The following NKAIN3 variants were observed in gnomAD, a reference collection of about 807,000 sequenced individuals.
NKAIN3 encodes the protein sodium/potassium-transporting ATPase subunit beta-1-interacting protein 3.
A neutral mutation model predicts 30.2 loss-of-function variants in NKAIN3; 25 were observed. The ratio of observed to expected loss-of-function variants is 0.83; its 90% confidence interval spans 0.60 to 1.16. The LOEUF (loss-of-function observed/expected upper bound fraction) is 1.16, where lower values mean the gene tolerates loss of function less well. Ranked by LOEUF, NKAIN3 falls within the 50% of genes most tolerant of loss-of-function variation. The pLI is 0.00. For synonymous variants in NKAIN3, 91 were observed against 89.6 expected (o/e 1.02, Z -0.09); for missense variants, 225 against 254.1 (o/e 0.89, Z 0.78).
chr8:62,803,051 C>G (rs1488974074), intron 4 of NKAIN3, among the ~76,000 whole-genome samples: 1 of 152,130 alleles, frequency 6.6e-6, no homozygotes, highest in Non-Finnish European at 1.5e-5. Context: ...ATCAATTCAA[C>G]AAGAAGAGCT....
chr8:62,972,299 G>C lies in NKAIN3; in HGVS notation c.*6892G>C, dbSNP rs1234547956. Among the ~76,000 whole-genome samples the C allele has an allele frequency of 6.6e-6, 1 of 152,096 alleles. No individual in the cohort carries two copies. The highest frequency in any genetic ancestry group is 1.9e-4 in the East Asian group (1 of 5,174). On this transcript the variant is annotated 3_prime_UTR_variant, in exon 7 of 7. Transcript: ENST00000623646. ...CATAATATCGGCTGAAGTGGAATGA[G>C]TATTCAAATTGTCCAAAAAAATATA...
rs149329757 is a variant in NKAIN3 at position 62,255,330 on chromosome 8, C to A, written c.54+6203C>A. Among the ~76,000 whole-genome samples, 1,013 of 152,216 alleles carry A rather than the reference C, an allele frequency of 6.7e-3. 8 individuals are homozygous for A. Among genetic ancestry groups the A allele is most frequent in the African/African-American group, 0.023 (961 of 41,528 alleles). On this transcript the variant is annotated intron_variant, in intron 1 of 6. Transcript: ENST00000623646. The stretch of plus-strand genomic sequence containing the variant: ...GAGCTAGAGAGACAGTAGACCTTCC[C>A]TTTTTTCCAAGGTGCCACATGAAGA...
intron 3 of NKAIN3, among the ~76,000 whole-genome samples, chr8:62,681,557 A>G (rs1455327292): frequency 2.0e-5 from 3 of 152,148 alleles, no homozygotes; most frequent in Non-Finnish European, 2.9e-5. Context: ...GTGGCCATTT[A>G]TCTTCTTTTT....
chr8:62,773,459 G>T (rs150827843), intron 4 of NKAIN3, among the ~76,000 whole-genome samples: 2 of 152,058 alleles, frequency 1.3e-5, no homozygotes, highest in South Asian at 2.1e-4. Context: ...GGTTACTGTA[G>T]CTCTGCAGCA....
chr8:62,983,121 C>A lies in NKAIN3; in HGVS notation c.*17714C>A, dbSNP rs1028387885. 1.1e-4 allele frequency: 16 copies of A among 152,190 alleles called. No homozygotes were observed. The highest frequency in any genetic ancestry group is 3.6e-4 in the African/African-American group (15 of 41,422). The allele number at this position is 152,190 out of a possible 1,614,324, so 9.4% of individuals were successfully genotyped here. A position where few individuals can be genotyped will look rare whatever the true frequency, so the allele number is the denominator to read the frequency against. ...ACAGCATTAGATGACCTCCTTCGTG[C>A]CACACTACTTGCCAGTATCCACTGG... is the stretch of plus-strand genomic sequence containing the variant. On this transcript the variant is annotated 3_prime_UTR_variant, in exon 7 of 7. Transcript: ENST00000623646.
At chr8:62,285,510 T>C (rs73683082) in intron 1 of NKAIN3, among the ~76,000 whole-genome samples, 9,463 of 152,152 alleles carry the variant, frequency 0.062, 982 homozygotes, top group African/African-American at 0.21. Context: ...AGAGAGTCGC[T>C]GAACCCTGCC....
intron 1 of NKAIN3, among the ~76,000 whole-genome samples, chr8:62,546,865 G>A (rs1809031359): frequency 6.6e-6 from 1 of 152,188 alleles, no homozygotes; most frequent in African/African-American, 2.4e-5. Context: ...CAAGAAAGCA[G>A]CACAGCTTTA....
intron 1 of NKAIN3, among the ~76,000 whole-genome samples, chr8:62,328,162 A>G (rs1815207057): frequency 6.6e-6 from 1 of 152,122 alleles, no homozygotes; most frequent in Admixed American, 6.6e-5. Context: ...CAGTTAAATG[A>G]CATTTAATGT....
At chr8:62,905,025 C>T (rs1821735935) in intron 4 of NKAIN3, among the ~76,000 whole-genome samples, 2 of 151,984 alleles carry the variant, frequency 1.3e-5, no homozygotes, top group South Asian at 2.1e-4. Context: ...TAGAAGATAA[C>T]GAATGGACAC....
intron 4 of NKAIN3, among the ~76,000 whole-genome samples, chr8:62,836,796 T>C (rs1819380106): frequency 6.6e-6 from 1 of 152,060 alleles, no homozygotes; most frequent in Non-Finnish European, 1.5e-5. Context: ...AGAACAAGTG[T>C]CCAGAGATGA....
Position 62,689,247 on chromosome 8 carries a change from A to T in NKAIN3, c.274-57685A>T, listed in dbSNP as rs535738582. ...AAGTGCTTGGGTATCATCCTTTATA[A>T]GGAGACATCTGCACTAAGTACCTAT... On this transcript the variant is annotated intron_variant, in intron 3 of 6. Coordinates refer to ENST00000623646, the MANE Select transcript of NKAIN3 (RefSeq NM_001304533.3). Among the ~76,000 whole-genome samples, 4 of 152,222 alleles carry T rather than the reference A, an allele frequency of 2.6e-5. No homozygotes were observed. In the South Asian group the frequency reaches 8.3e-4, roughly 32 times the overall value.
chr8:62,575,395 G>A (rs1373809559), intron 1 of NKAIN3, among the ~76,000 whole-genome samples: 1 of 151,680 alleles, frequency 6.6e-6, no homozygotes, highest in Non-Finnish European at 1.5e-5. Context: ...TAAATGCCTA[G>A]GAATTAACCA....
chr8:62,961,983 G>C (rs988278231), intron 6 of NKAIN3, among the ~76,000 whole-genome samples: 2 of 152,160 alleles, frequency 1.3e-5, no homozygotes, highest in East Asian at 1.9e-4. Flanking sequence ...TAGTCATGGG[G>C]AGTTTACCCA....
At chr8:62,343,151 C>G (rs527408456) in intron 1 of NKAIN3, among the ~76,000 whole-genome samples, 13 of 152,156 alleles carry the variant, frequency 8.5e-5, no homozygotes, top group African/African-American at 2.9e-4. Context: ...ACTCCAGAGT[C>G]TGACTGACCA....
Position 62,626,477 on chromosome 8 carries a change from C to T in NKAIN3, c.273+36683C>T, listed in dbSNP as rs183164146. On this transcript the variant is annotated intron_variant, in intron 3 of 6. Coordinates refer to ENST00000623646, the MANE Select transcript of NKAIN3 (RefSeq NM_001304533.3). ...AGGTCATGGTTGTTTTCAGACTATCCAGAAATTTATTCCAGAAGTCCTATT... is the reference window on the plus strand; with the variant it reads ...AGGTCATGGTTGTTTTCAGACTATCTAGAAATTTATTCCAGAAGTCCTATT... Among the ~76,000 whole-genome samples, 830 of 152,110 alleles carry T rather than the reference C, an allele frequency of 5.5e-3. 7 individuals are homozygous for T. The highest frequency in any genetic ancestry group is 0.018 in the African/African-American group (752 of 41,538).
chr8:62,842,480 A>C (rs1427065529), intron 4 of NKAIN3, among the ~76,000 whole-genome samples: 1 of 152,130 alleles, frequency 6.6e-6, no homozygotes, highest in East Asian at 1.9e-4. Context: ...TAAAAATTTC[A>C]AGGTCATTTT....
chr8:62,964,718 C>T (rs954042147), intron 6 of NKAIN3, among the ~76,000 whole-genome samples: 4 of 151,968 alleles, frequency 2.6e-5, no homozygotes, highest in Non-Finnish European at 4.4e-5. Flanking sequence ...GGCCTTATAC[C>T]GATTGCATGA....
intron 4 of NKAIN3, among the ~76,000 whole-genome samples, chr8:62,803,354 A>C (rs189671651): frequency 0.011 from 1,612 of 152,278 alleles, 22 homozygotes; most frequent in South Asian, 0.031. Flanking sequence ...AATTGACCAC[A>C]TAGTTGGAAG....
chr8:62,909,204 A>G (rs1417460946), intron 4 of NKAIN3, among the ~76,000 whole-genome samples: 1 of 152,194 alleles, frequency 6.6e-6, no homozygotes, highest in Non-Finnish European at 1.5e-5. Flanking sequence ...GCAGGTCAAA[A>G]CAAACCAATC....
Sources: gnomAD v4.1 joint callset for allele counts (sites outside exome capture counted in the v4.1 genomes callset) on GRCh38, gnomAD v4.1.1 for gene constraint, MANE v1.5 for transcripts, NCBI Gene and HGNC (gene_info 2026-07-23, HGNC 2026-07-21) for gene names.